EHD1: variants seen among roughly 807,000 people sequenced by gnomAD.
EHD1 encodes the protein EH domain containing 1.
A neutral mutation model predicts 39.0 loss-of-function variants in EHD1; 19 were observed. The ratio of observed to expected loss-of-function variants is 0.49; its 90% CI spans 0.34 to 0.72. The LOEUF (loss-of-function observed/expected upper bound fraction) is 0.72. Among genes scored for constraint, EHD1 ranks in the 30% least tolerant of loss-of-function variants. The probability of loss-of-function intolerance (pLI) is 0.01; values close to 1 mark genes in which losing one functional copy is unlikely to be tolerated. For synonymous variants in EHD1, 323 were observed against 331.2 expected, an observed-to-expected ratio of 0.98 and a Z score of 0.27; for missense variants, 542 against 751.5, an observed-to-expected ratio of 0.72 and a Z score of 3.26.
rs75814123 is a variant in EHD1, at chr11:64,874,777, G to A, written c.405-259C>T. On this transcript the variant is annotated intron_variant, in intron 1 of 4. Transcript: ENST00000320631. The stretch of plus-strand genomic sequence containing the variant: ...CTCACACACTTTTCCCCTAGAGTTT[G>A]AGAGGTCAACTTTCAAGCTGCTGAC... Among the ~76,000 whole-genome samples the A allele has an allele frequency of 3.7e-3, 560 of 152,300 alleles. 2 individuals are homozygous for A. The highest frequency in any genetic ancestry group is 5.0e-3 in the Non-Finnish European group (340 of 68,036).
intron 2 of EHD1, 123 bp from the exon 3 acceptor site, chr11:64,860,459 G>A: frequency 1.5e-6 from 2 of 1,349,504 alleles, no homozygotes; most frequent in South Asian, 1.5e-5. Context: ...TATAGGCCGG[G>A]CGTGGTGGCT....
chr11:64,854,701 C>T lies in EHD1; in HGVS notation c.1237G>A (p.Ala413Thr), dbSNP rs770361784. 5 of 1,613,362 alleles carry T rather than the reference C, an allele frequency of 3.1e-6. No homozygotes were observed. Among genetic ancestry groups the T allele is most frequent in the Non-Finnish European group, 4.2e-6 (5 of 1,180,010 alleles). Residue 413 changes from alanine (A) to threonine (T), a missense_variant, in exon 5 of 5, where the codon GCC becomes ACC. By Grantham distance (58) the Ala-to-Thr change is moderately conservative (BLOSUM62 0). Coordinates refer to ENST00000320631, the MANE Select transcript of EHD1 (RefSeq NM_006795.4). ...LMPSQVVKGG[A>T]FDGTMNGPFG... The stretch of plus-strand genomic sequence containing the variant: ...GGCCCGTTCATGGTGCCGTCAAAGG[C>T]GCCGCCCTTGACCACCTGGGAAGGC...
chr11:64,859,122 CTGA>C (rs2136479494), intron 3 of EHD1, among the ~76,000 whole-genome samples: 1 of 152,346 alleles, frequency 6.6e-6, no homozygotes, highest in African/African-American at 2.4e-5. Flanking sequence ...ACACAAATAA[CTGA>C]TGTTTATTTT....
chr11:64,869,688 C>G (rs1943807274), intron 2 of EHD1, among the ~76,000 whole-genome samples: 1 of 152,206 alleles, frequency 6.6e-6, no homozygotes, highest in Non-Finnish European at 1.5e-5. Flanking sequence ...TAACGTGGGA[C>G]TTGAACCTTC....
In EHD1 at chr11:64,860,147, C is replaced by A; in HGVS notation, c.692G>T (p.Arg231Leu). The change falls in exon 3 of 5, where the codon CGG becomes CTG. Residue 231 changes from arginine to leucine, a missense_variant. Physicochemically the swap from Arg to Leu is moderately radical, Grantham distance 102. Transcript: ENST00000320631. ...GGACCACATGAGGGCCCCGTACACC[C>A]GCATCAGCTGCTGCGTCTCGATCTG... ...ADQIETQQLM[R>L]VYGALMWSLG... The A allele has an allele frequency of 6.2e-7, 1 of 1,614,176 alleles. No individual in the cohort carries two copies. Among genetic ancestry groups the A allele is most frequent in the Non-Finnish European group, 8.5e-7 (1 of 1,180,040 alleles).
In EHD1 at chr11:64,855,884, TCCGC is replaced by T. The variant is rs1158514972; in HGVS notation, c.916-402_916-399del. 9.7e-3 allele frequency: 1,865 copies of T among 192,986 alleles called. 52 individuals carry two copies. The highest frequency in any genetic ancestry group is 0.044 in the African/African-American group (1,730 of 39,362). 12.0% of individuals were successfully genotyped at this position (192,986 alleles called of 1,614,324 possible). Reference sequence around the variant, plus strand: ...AACCCTCACCACGCATCACACACCCTCCGCTCAACCCTCACCACGCATCACACAC... The same window carrying T: ...AACCCTCACCACGCATCACACACCCTTCAACCCTCACCACGCATCACACAC... On this transcript the variant is annotated intron_variant, in intron 3 of 4. Transcript: ENST00000320631.
chr11:64,864,574 C>T (rs1943748398), intron 2 of EHD1, among the ~76,000 whole-genome samples: 1 of 152,222 alleles, frequency 6.6e-6, no homozygotes, highest in South Asian at 2.1e-4. Context: ...GCCCGCAGCC[C>T]ACAGCCTTTT....
chr11:64,860,400 C>T, intron 2 of EHD1, 64 bp from the exon 3 acceptor site: 2 of 1,539,852 alleles, frequency 1.3e-6, no homozygotes, highest in South Asian at 2.5e-5. Context: ...TGGCTCTCAT[C>T]TCCAACCTGG....
At chr11:64,879,107 C>T (rs1299796421), upstream of EHD1, 1 of 1,001,170 alleles carries the variant, frequency 1.0e-6, no homozygotes, top group Non-Finnish European at 1.2e-6. Flanking sequence ...ACCTCCTCCT[C>T]TCAGCCCAGC....
chr11:64,858,981 CCT>C (rs1943684136), intron 3 of EHD1, among the ~76,000 whole-genome samples: 1 of 152,306 alleles, frequency 6.6e-6, no homozygotes, highest in South Asian at 2.1e-4. Flanking sequence ...AGGCTGGCAC[CCT>C]GTCTCCTCAC....
intron 2 of EHD1, among the ~76,000 whole-genome samples, chr11:64,866,409 T>C (rs949241653): frequency 1.3e-5 from 2 of 152,156 alleles, no homozygotes; most frequent in Admixed American, 6.5e-5. Context: ...AAAAACTGCC[T>C]AGCAGGCTGG....
At chr11:64,874,603 T>A (rs1336511201) in intron 1 of EHD1, 85 bp from the exon 2 acceptor site, 2 of 1,073,704 alleles carry the variant, frequency 1.9e-6, no homozygotes, top group Non-Finnish European at 2.6e-6. Flanking sequence ...CTGTACTCCT[T>A]CGCTCCATCT....
At position 64,854,283 on chromosome 11, in the gene EHD1, C is replaced by A; in HGVS notation, c.*50G>T. The stretch of plus-strand genomic sequence containing the variant: ...ATGGTGAGGCTTCCCCTCCCCCCGT[C>A]TCTGCCTCCCGGCCGGGCGTGCAAA... On this transcript the variant is annotated 3_prime_UTR_variant, in exon 5 of 5. Coordinates refer to ENST00000320631, the MANE Select transcript of EHD1 (RefSeq NM_006795.4). 1 of 1,542,806 alleles carries A rather than the reference C, an allele frequency of 6.5e-7. No homozygotes were observed. The highest frequency in any genetic ancestry group is 1.2e-5 in the South Asian group (1 of 82,960).
At chr11:64,878,005 G>C in intron 1 of EHD1, 56 bp downstream of exon 1, 1 of 1,461,960 alleles carries the variant, frequency 6.8e-7, no homozygotes, top group Non-Finnish European at 9.0e-7. Flanking sequence ...GTCAGGCTCC[G>C]AGTGAGGGGT....
At chr11:64,867,487 G>A (rs1217495302) in intron 2 of EHD1, among the ~76,000 whole-genome samples, 1 of 151,866 alleles carries the variant, frequency 6.6e-6, no homozygotes, top group African/African-American at 2.4e-5. Flanking sequence ...GGGAGGCCGA[G>A]GTGGGCGAAT....
In EHD1 at chr11:64,853,971, C is replaced by T. The variant is rs770435250; in HGVS notation, c.*362G>A. ...CTCAGCCTAGCAGCTGCCAAAAGGG[C>T]GACCTGGCTCCCCCACGGTCGCAGT... is the stretch of plus-strand genomic sequence containing the variant. On this transcript the variant is annotated 3_prime_UTR_variant, in exon 5 of 5. Transcript: ENST00000320631. 3.2e-4 allele frequency: 93 copies of T among 288,522 alleles called. No homozygotes were observed. Among genetic ancestry groups the T allele is most frequent in the African/African-American group, 1.6e-3 (73 of 46,900 alleles). 17.9% of individuals were successfully genotyped at this position (288,522 alleles called of 1,614,324 possible).
chr11:64,861,617 T>G (rs1445356034), intron 2 of EHD1, among the ~76,000 whole-genome samples: 1 of 152,220 alleles, frequency 6.6e-6, no homozygotes. Flanking sequence ...ACCACCTGTT[T>G]GTATAAATAA....
At position 64,869,268 on chromosome 11, in the gene EHD1, C is replaced by T. The variant is rs573267027; in HGVS notation, c.502+5153G>A. On this transcript the variant is annotated intron_variant, in intron 2 of 4. Transcript: ENST00000320631. ...CCTCCTCTGTGGCAGAGCCTGCACG[C>T]CCCCAGCAGAGGCTGAGGCCAAAAG... 5.9e-5 allele frequency among the ~76,000 whole-genome samples: 9 copies of T among 152,380 alleles called. No homozygotes were observed. In the East Asian group the frequency reaches 1.4e-3, roughly 23 times the overall value.
chr11:64,878,696 A>T, upstream of EHD1: 1 of 1,354,248 alleles, frequency 7.4e-7, no homozygotes, highest in Non-Finnish European at 9.4e-7. Flanking sequence ...CGGCGGGGGC[A>T]GGGCGGAATT....
Sources: allele counts gnomAD v4.1 joint callset (sites outside exome capture counted in the v4.1 genomes callset), GRCh38; gene constraint gnomAD v4.1.1; transcripts MANE v1.5; gene names NCBI Gene and HGNC (gene_info 2026-07-23, HGNC 2026-07-21).